Variants in TUSC3 observed in about 807,000 individuals in gnomAD.
TUSC3 encodes the protein tumor suppressor candidate 3.
In TUSC3, 45 loss-of-function variants were observed where a neutral mutation model predicts 44.8. That is an observed-to-expected ratio of 1.00 (90% CI 0.79 to 1.29). TUSC3 has a LOEUF of 1.29. TUSC3 is among the 50% of genes most tolerant of loss of function. The pLI, the probability that TUSC3 is intolerant of heterozygous loss-of-function variation, is 0.00. For synonymous variants in TUSC3, 212 were observed against 152.9 expected (o/e 1.39, Z -2.85); for missense variants, 519 against 437.9 (o/e 1.19, Z -1.65).
chr8:15,495,386 A>T (rs536106595), intron 2 of TUSC3, among the ~76,000 whole-genome samples: 1 of 152,292 alleles, frequency 6.6e-6, no homozygotes, highest in African/African-American at 2.4e-5. Context: ...TTATCTTCCT[A>T]GTATATAGTT....
chr8:15,497,253 C>T (rs559446915), intron 2 of TUSC3, among the ~76,000 whole-genome samples: 2 of 152,234 alleles, frequency 1.3e-5, no homozygotes, highest in South Asian at 4.1e-4. Flanking sequence ...GCGTCTGCTT[C>T]CAAGTCCCAA....
chr8:15,454,537 A>C (rs189235918), intron 1 of TUSC3, among the ~76,000 whole-genome samples: 1 of 152,186 alleles, frequency 6.6e-6, no homozygotes, highest in South Asian at 2.1e-4. Context: ...TGTTCCAACT[A>C]GTTTCCAGCT....
chr8:15,666,740 A>G (rs1002158049), intron 5 of TUSC3, among the ~76,000 whole-genome samples: 4 of 151,350 alleles, frequency 2.6e-5, no homozygotes, highest in South Asian at 2.1e-4. Context: ...ATTTTTTTCA[A>G]TGAAATAATG....
intron 1 of TUSC3, among the ~76,000 whole-genome samples, chr8:15,470,254 G>A (rs554659454): frequency 1.5e-3 from 198 of 128,668 alleles, no homozygotes; most frequent in Middle Eastern, 4.2e-3. Flanking sequence ...GAAAGACCCT[G>A]TCTCAAAAAA....
chr8:15,574,421 T>C (rs956003991), intron 1 of TUSC3, among the ~76,000 whole-genome samples: 8 of 152,166 alleles, frequency 5.3e-5, no homozygotes, highest in African/African-American at 1.9e-4. Context: ...CATGTTTTGT[T>C]GTCATTCTGC....
intron 1 of TUSC3, among the ~76,000 whole-genome samples, chr8:15,573,168 T>TTTC (rs1802945786): frequency 1.8e-4 from 15 of 85,548 alleles, no homozygotes; most frequent in African/African-American, 6.5e-4. Flanking sequence ...TTCTCTCTCT[T>TTTC]TCTCTCTCTC....
intron 6 of TUSC3, among the ~76,000 whole-genome samples, chr8:15,689,864 A>G (rs868827125): frequency 7.6e-4 from 12 of 15,832 alleles, no homozygotes; most frequent in African/African-American, 1.5e-3. Context: ...GTGTGTGTGT[A>G]TAAATATATA....
chr8:15,851,588 T>C, the TUSC3 span, among the ~76,000 whole-genome samples: 1 of 152,206 alleles, frequency 6.6e-6, no homozygotes, highest in Non-Finnish European at 1.5e-5. Flanking sequence ...GTGAGCGTCA[T>C]GGCGAGGGAC....
chr8:15,650,413 C>G (rs1403940272), intron 2 of TUSC3, among the ~76,000 whole-genome samples: 1 of 152,002 alleles, frequency 6.6e-6, no homozygotes, highest in Admixed American at 6.6e-5. Flanking sequence ...TAGTTGCTGT[C>G]TTGTTGTTAC....
intron 1 of TUSC3, among the ~76,000 whole-genome samples, chr8:15,461,752 AAAG>A (rs910709891): frequency 2.0e-5 from 3 of 150,920 alleles, no homozygotes; most frequent in Non-Finnish European, 3.0e-5. Context: ...AAGGAAAAAA[AAAG>A]AAAAAAAAGA....
At chr8:15,708,760 A>G (rs149301611) in intron 6 of TUSC3, among the ~76,000 whole-genome samples, 90 of 152,052 alleles carry the variant, frequency 5.9e-4, no homozygotes, top group African/African-American at 1.4e-3. Context: ...CATGGCTTCT[A>G]TTTCAAGATC....
chr8:15,548,603 C>G (rs907776847), intron 1 of TUSC3, among the ~76,000 whole-genome samples: 1 of 151,796 alleles, frequency 6.6e-6, no homozygotes, highest in African/African-American at 2.4e-5. Context: ...CATGTCTTAG[C>G]CTTGTAATTG....
chr8:15,789,209 A>G, the TUSC3 span, among the ~76,000 whole-genome samples: 1 of 152,174 alleles, frequency 6.6e-6, no homozygotes, highest in African/African-American at 2.4e-5. Context: ...GAGGCGGCTC[A>G]TGTCACTGAC....
chr8:15,514,990 A>G (rs1003811492), intron 2 of TUSC3, among the ~76,000 whole-genome samples: 2 of 152,190 alleles, frequency 1.3e-5, no homozygotes, highest in African/African-American at 2.4e-5. Context: ...AAATGACAAT[A>G]GTGTTTAATT....
At chr8:15,549,435 G>T (rs1248163357) in intron 1 of TUSC3, among the ~76,000 whole-genome samples, 1 of 151,770 alleles carries the variant, frequency 6.6e-6, no homozygotes, top group Admixed American at 6.6e-5. Context: ...GCCTCCCAAA[G>T]TGCTGGGATT....
At chr8:15,499,020 T>C (rs1049873454) in intron 2 of TUSC3, among the ~76,000 whole-genome samples, 3 of 152,112 alleles carry the variant, frequency 2.0e-5, no homozygotes, top group Non-Finnish European at 4.4e-5. Context: ...TTTCTTTTTT[T>C]TTCTCCTGTG....
chr8:15,423,173 T>C (rs541097914), intron 1 of TUSC3, among the ~76,000 whole-genome samples: 1 of 152,340 alleles, frequency 6.6e-6, no homozygotes, highest in Admixed American at 6.5e-5. Context: ...TCTGTTCATT[T>C]GCACATGTAC....
chr8:15,821,172 G>C, the TUSC3 span, among the ~76,000 whole-genome samples: 5 of 151,928 alleles, frequency 3.3e-5, no homozygotes, highest in African/African-American at 1.2e-4. Context: ...TATAATTCTG[G>C]GTTGACAGTT....
intron 3 of TUSC3, among the ~76,000 whole-genome samples, chr8:15,654,106 G>A (rs1001548918): frequency 6.6e-6 from 1 of 152,184 alleles, no homozygotes; most frequent in African/African-American, 2.4e-5. Context: ...TAAGAAAAAA[G>A]ACTGAATTCT....
Sources: allele counts gnomAD v4.1 joint callset (sites outside exome capture counted in the v4.1 genomes callset), GRCh38; gene constraint gnomAD v4.1.1; transcripts MANE v1.5; gene names NCBI Gene and HGNC (gene_info 2026-07-23, HGNC 2026-07-21).